The following SERINC5 variants were observed in gnomAD, a reference collection of about 807,000 sequenced individuals.
SERINC5 encodes serine incorporator 5.
Under a neutral mutation model 63.1 loss-of-function variants are expected in SERINC5, and 41 were observed. The ratio of observed to expected loss-of-function variants is 0.65; its 90% CI spans 0.51 to 0.84. The LOEUF is 0.84. SERINC5 is among the 40% of genes least tolerant of loss of function. The pLI is 0.00. For missense variants in SERINC5, 523 were observed against 573.0 expected (o/e 0.91, Z 0.89); for synonymous variants, 222 against 215.2 (o/e 1.03, Z -0.28).
intron 4 of SERINC5, among the ~76,000 whole-genome samples, chr5:80,176,142 G>A (rs1415820934): frequency 6.6e-6 from 1 of 152,084 alleles, no homozygotes; most frequent in Non-Finnish European, 1.5e-5. Context: ...TCGTGCCACT[G>A]CACTCTAACC....
At chr5:80,124,749 ACT>A (rs1242652939) in intron 11 of SERINC5, among the ~76,000 whole-genome samples, 2 of 152,148 alleles carry the variant, frequency 1.3e-5, no homozygotes, top group South Asian at 2.1e-4. Flanking sequence ...CAGAGAGGCA[ACT>A]CTCTGTACGT....
At chr5:80,133,629 T>C (rs998850142) in intron 11 of SERINC5, among the ~76,000 whole-genome samples, 1 of 152,220 alleles carries the variant, frequency 6.6e-6, no homozygotes, top group Non-Finnish European at 1.5e-5. Context: ...AAATAAAACT[T>C]GGAGGCAAAG....
At chr5:80,207,556 A>T (rs915385231) in intron 1 of SERINC5, among the ~76,000 whole-genome samples, 10 of 152,190 alleles carry the variant, frequency 6.6e-5, no homozygotes, top group African/African-American at 2.4e-4. Context: ...GTAAAAAGAA[A>T]GCCCTATTGG....
chr5:80,191,025 C>G (rs913242161), intron 2 of SERINC5, among the ~76,000 whole-genome samples: 2 of 151,836 alleles, frequency 1.3e-5, no homozygotes, highest in African/African-American at 4.8e-5. Flanking sequence ...CACTAGGCCC[C>G]AGCAGACCAG....
In SERINC5 at chr5:80,141,635, C is replaced by T. The variant is rs1745514192; in HGVS notation, c.*2028G>A. On this transcript the variant is annotated 3_prime_UTR_variant, in exon 12 of 12. Transcript: ENST00000507668. ...AGACAACCCCCAAGGCCCTAGGCCA[C>T]TGCAACACAGCTACTGTGTGTGACA... 1 of 985,584 alleles carries T rather than the reference C, an allele frequency of 1.0e-6. No individual in the cohort carries two copies. Among genetic ancestry groups the T allele is most frequent in the African/African-American group, 1.7e-5 (1 of 57,372 alleles). 61.1% of individuals were successfully genotyped at this position (985,584 alleles called of 1,614,324 possible).
chr5:80,142,430 A>C lies in SERINC5; in HGVS notation c.*1233T>G. ...CTATTTTTAATAGAGACAGGGTTTC[A>C]CCATGTTAGCCAGGCTGGTCTTGCA... On this transcript the variant is annotated 3_prime_UTR_variant, in exon 12 of 12. Coordinates refer to ENST00000507668, the MANE Select transcript of SERINC5 (RefSeq NM_001174072.3). 1 of 927,190 alleles carries C rather than the reference A, an allele frequency of 1.1e-6. No individual in the cohort carries two copies. Among genetic ancestry groups the C allele is most frequent in the Non-Finnish European group, 1.3e-6 (1 of 777,018 alleles). 57.4% of individuals were successfully genotyped at this position (927,190 alleles called of 1,614,324 possible).
intron 7 of SERINC5, among the ~76,000 whole-genome samples, chr5:80,164,161 T>G (rs1747118357): frequency 6.6e-6 from 1 of 152,166 alleles, no homozygotes; most frequent in African/African-American, 2.4e-5. Flanking sequence ...TAGTCTGTAA[T>G]GATCTTTTGT....
At chr5:80,116,165 T>C in intron 11 of SERINC5, 1 of 384,454 alleles carries the variant, frequency 2.6e-6, no homozygotes, top group South Asian at 2.0e-5. Context: ...TGGCACTCCA[T>C]CTTGTCTCTC....
intron 9 of SERINC5, among the ~76,000 whole-genome samples, chr5:80,150,112 C>A (rs532924999): frequency 3.7e-4 from 56 of 152,332 alleles, no homozygotes; most frequent in African/African-American, 1.3e-3. Flanking sequence ...CAGCGTCAGG[C>A]AGAGCAGATA....
At chr5:80,208,556 T>C (rs532513576) in intron 1 of SERINC5, among the ~76,000 whole-genome samples, 1 of 152,134 alleles carries the variant, frequency 6.6e-6, no homozygotes, top group African/African-American at 2.4e-5. Context: ...AAGTTCACAA[T>C]TGCATGCTAT....
chr5:80,145,488 T>TA (rs1481336059), intron 11 of SERINC5, among the ~76,000 whole-genome samples: 2 of 151,976 alleles, frequency 1.3e-5, no homozygotes, highest in Non-Finnish European at 1.5e-5. Context: ...GTTTGTATTT[T>TA]AAAAAAAGAT....
At chr5:80,251,902 A>G (rs373884482) in intron 1 of SERINC5, among the ~76,000 whole-genome samples, 1 of 42,810 alleles carries the variant, frequency 2.3e-5, no homozygotes, top group African/African-American at 7.6e-5. Flanking sequence ...AAGCCTATTA[A>G]TTTCAGCATT....
At chr5:80,155,840 A>G (rs1746488018) in intron 8 of SERINC5, among the ~76,000 whole-genome samples, 1 of 152,156 alleles carries the variant, frequency 6.6e-6, no homozygotes. Flanking sequence ...GTTCTTTCAC[A>G]GCAATGATTC....
chr5:80,177,961 C>G lies in SERINC5; in HGVS notation c.299G>C (p.Cys100Ser), dbSNP rs55928876. The G allele has an allele frequency of 6.5e-3, 10,460 of 1,611,046 alleles. 562 individuals are homozygous for G. The African/African-American group carries it at 0.11, about 17-fold the overall frequency. The part of the protein sequence containing the change: ...AVYRVCFGMA[C>S]FFFIFCLLTL... ...CAGTAGACAGAAGATAAAGAAGAAA[C>G]AAGCCATTCCAAAACAGACTCTATA... Residue 100 changes from cysteine to serine, a missense_variant, in exon 3 of 12, where the codon TGT (cysteine) becomes TCT (serine). Transcript: ENST00000507668.
At chr5:80,228,244 G>GGGAAAGGAGGGAGGGAA (rs1261738245) in intron 1 of SERINC5, among the ~76,000 whole-genome samples, 2 of 109,068 alleles carry the variant, frequency 1.8e-5, no homozygotes, top group South Asian at 4.3e-4. Flanking sequence ...GAGGGAGGGA[G>GGGAAAGGAGGGAGGGAA]GGAAAGGAGG....
rs1745630822 is a variant in SERINC5 at position 80,143,489 on chromosome 5, T to C, written c.*174A>G. ...AATTCCTTTGGGACAAACTGGTAGT[T>C]TCTTTTTGAATTTCAAAAGTAAAAA... is the stretch of plus-strand genomic sequence containing the variant. On this transcript the variant is annotated 3_prime_UTR_variant, in exon 12 of 12. Coordinates refer to ENST00000507668, the MANE Select transcript of SERINC5 (RefSeq NM_001174072.3). The C allele has an allele frequency of 3.7e-6, 5 of 1,359,960 alleles. No homozygotes were observed. The highest frequency in any genetic ancestry group is 4.7e-6 in the Non-Finnish European group (5 of 1,059,204). 84.2% of individuals were successfully genotyped at this position (1,359,960 alleles called of 1,614,324 possible).
In SERINC5 at chr5:80,138,860, T is replaced by C. The variant is rs1274517497; in HGVS notation, c.*4803A>G. 7.2e-6 allele frequency: 7 copies of C among 976,956 alleles called. No homozygotes were observed. The highest frequency in any genetic ancestry group is 9.5e-5 in the South Asian group (2 of 21,112). The allele number at this position is 976,956 out of a possible 1,614,324, so 60.5% of individuals were successfully genotyped here. A position where few individuals can be genotyped will look rare whatever the true frequency, so the allele number is the denominator to read the frequency against. ...AACTAACTTGAGTACTTTAATTATA[T>C]ATGTATCTAGCAGAAGAGAAAAAAA... On this transcript the variant is annotated 3_prime_UTR_variant, in exon 12 of 12. Transcript: ENST00000507668.
intron 8 of SERINC5, among the ~76,000 whole-genome samples, chr5:80,151,706 C>A (rs999643282): frequency 6.6e-6 from 1 of 152,202 alleles, no homozygotes; most frequent in Admixed American, 6.5e-5. Context: ...AGGGTTCCAG[C>A]TAACTTTACA....
At chr5:80,161,231 G>T (rs1375689327) in intron 7 of SERINC5, among the ~76,000 whole-genome samples, 1 of 152,018 alleles carries the variant, frequency 6.6e-6, no homozygotes, top group Non-Finnish European at 1.5e-5. Context: ...TGGGATTGCT[G>T]AATCAAATGG....
Sources: allele counts gnomAD v4.1 joint callset (sites outside exome capture counted in the v4.1 genomes callset), GRCh38; gene constraint gnomAD v4.1.1; transcripts MANE v1.5; gene names NCBI Gene and HGNC (gene_info 2026-07-23, HGNC 2026-07-21).